CNTN5: variants seen among roughly 807,000 people sequenced by gnomAD.
CNTN5 encodes the protein contactin-5.
CNTN5 carries 77 observed loss-of-function variants against 129.1 expected under a neutral mutation model. That is an observed-to-expected ratio of 0.60 (90% CI 0.50 to 0.72). The LOEUF (loss-of-function observed/expected upper bound fraction) is 0.72, where lower values mean the gene tolerates loss of function less well. Ranked by LOEUF, CNTN5 falls within the 30% of genes least tolerant of loss-of-function variation. The probability of loss-of-function intolerance (pLI) is 0.00; values close to 1 mark genes in which losing one functional copy is unlikely to be tolerated. For synonymous variants in CNTN5, 509 were observed against 465.6 expected (o/e 1.09, Z -1.20); for missense variants, 1,478 against 1,328.8 (o/e 1.11, Z -1.75).
chr11:100,191,592 A>G (rs1948495417), intron 14 of CNTN5, among the ~76,000 whole-genome samples: 1 of 152,088 alleles, frequency 6.6e-6, no homozygotes, highest in Admixed American at 6.6e-5. Flanking sequence ...GAATAATTTT[A>G]GCATCAATCA....
intron 1 of CNTN5, among the ~76,000 whole-genome samples, chr11:99,027,844 T>C (rs1220106388): frequency 6.6e-6 from 1 of 151,702 alleles, no homozygotes; most frequent in Admixed American, 6.6e-5. Flanking sequence ...TTTAAGACTT[T>C]TTCTTTAAAC....
At chr11:99,917,903 A>C (rs1353460916) in intron 7 of CNTN5, among the ~76,000 whole-genome samples, 1 of 152,134 alleles carries the variant, frequency 6.6e-6, no homozygotes, top group African/African-American at 2.4e-5. Flanking sequence ...CAATATATGT[A>C]AATTAAATGA....
chr11:99,147,954 G>T (rs1176805200), intron 1 of CNTN5, among the ~76,000 whole-genome samples: 1 of 151,886 alleles, frequency 6.6e-6, no homozygotes, highest in Admixed American at 6.6e-5. Flanking sequence ...TTTATGGAAT[G>T]ATTTATACAA....
chr11:99,958,781 A>C (rs1230395404), intron 8 of CNTN5, among the ~76,000 whole-genome samples: 1 of 152,206 alleles, frequency 6.6e-6, no homozygotes, highest in Non-Finnish European at 1.5e-5. Flanking sequence ...TTGCATTCTT[A>C]TCTGAAAATT....
intron 1 of CNTN5, among the ~76,000 whole-genome samples, chr11:99,312,348 G>T (rs1199554013): frequency 6.6e-6 from 1 of 152,050 alleles, no homozygotes; most frequent in Non-Finnish European, 1.5e-5. Flanking sequence ...TTTTTGAATA[G>T]AGGCAAATTA....
intron 6 of CNTN5, among the ~76,000 whole-genome samples, chr11:99,901,175 G>A (rs1287993678): frequency 6.6e-6 from 1 of 152,138 alleles, no homozygotes; most frequent in East Asian, 1.9e-4. Flanking sequence ...GTAAATGGTA[G>A]CTATCATCAT....
chr11:100,169,711 G>A (rs918782202), intron 13 of CNTN5, among the ~76,000 whole-genome samples: 1 of 151,966 alleles, frequency 6.6e-6, no homozygotes, highest in Non-Finnish European at 1.5e-5. Context: ...TGATTTTATT[G>A]AGGTGGTTTG....
At chr11:99,615,715 A>G (rs922462815) in intron 3 of CNTN5, among the ~76,000 whole-genome samples, 1 of 151,948 alleles carries the variant, frequency 6.6e-6, no homozygotes, top group Non-Finnish European at 1.5e-5. Context: ...GGAAATTGAC[A>G]TTGATAAAAT....
chr11:100,335,691 C>T (rs1182832925), intron 21 of CNTN5, among the ~76,000 whole-genome samples: 1 of 151,858 alleles, frequency 6.6e-6, no homozygotes, highest in Non-Finnish European at 1.5e-5. Flanking sequence ...TCGCTTGAAC[C>T]CAGGAGCTGG....
intron 13 of CNTN5, among the ~76,000 whole-genome samples, chr11:100,110,031 T>G (rs768439586): frequency 1.3e-5 from 2 of 151,818 alleles, no homozygotes; most frequent in Non-Finnish European, 2.9e-5. Context: ...TACAAAAAAT[T>G]AGCCTGGCAT....
At chr11:99,986,453 T>A (rs1938683593) in intron 8 of CNTN5, among the ~76,000 whole-genome samples, 1 of 152,186 alleles carries the variant, frequency 6.6e-6, no homozygotes, top group African/African-American at 2.4e-5. Context: ...ACACCACTAA[T>A]TACAAATAAT....
At chr11:100,201,367 C>T (rs1486737173) in intron 15 of CNTN5, among the ~76,000 whole-genome samples, 1 of 151,442 alleles carries the variant, frequency 6.6e-6, no homozygotes, top group Admixed American at 6.6e-5. Flanking sequence ...TAATTATATA[C>T]ATGCTATTAA....
intron 1 of CNTN5, among the ~76,000 whole-genome samples, chr11:99,171,250 A>T (rs1861135494): frequency 6.6e-6 from 1 of 152,202 alleles, no homozygotes; most frequent in African/African-American, 2.4e-5. Context: ...AAAAACAAGC[A>T]ACATTATATA....
chr11:99,362,156 A>AT (rs577284677), intron 2 of CNTN5, among the ~76,000 whole-genome samples: 2 of 151,838 alleles, frequency 1.3e-5, no homozygotes, highest in South Asian at 4.1e-4. Flanking sequence ...ATTTTATATT[A>AT]TTTTTTAATA....
rs759844979 is a variant in CNTN5 at position 99,569,564 on chromosome 11, G to A, written c.55+13295G>A. Among the ~76,000 whole-genome samples the A allele has an allele frequency of 3.9e-5, 6 of 151,992 alleles. No individual in the cohort carries two copies. In the East Asian group the frequency reaches 7.7e-4, roughly 20 times the overall value. ...CCTGACCTTGTGGTCCGCCTGCCTC[G>A]GCCTCCCAAACTGCTGGGATTACAG... is the stretch of plus-strand genomic sequence containing the variant. On this transcript the variant is annotated intron_variant, in intron 3 of 24. Coordinates refer to ENST00000524871, the MANE Select transcript of CNTN5 (RefSeq NM_014361.4).
At chr11:100,062,807 A>G (rs539103620) in intron 10 of CNTN5, among the ~76,000 whole-genome samples, 1 of 152,364 alleles carries the variant, frequency 6.6e-6, no homozygotes, top group South Asian at 2.1e-4. Flanking sequence ...TGAAATCCAC[A>G]AAGTTTATAA....
intron 1 of CNTN5, among the ~76,000 whole-genome samples, chr11:99,022,589 G>A (rs1175640384): frequency 3.3e-5 from 5 of 151,978 alleles, no homozygotes; most frequent in South Asian, 2.1e-4. Flanking sequence ...GACTCTAATC[G>A]AAAAGAGGTA....
chr11:100,153,283 G>GAATC (rs1947127663), intron 13 of CNTN5, among the ~76,000 whole-genome samples: 1 of 152,044 alleles, frequency 6.6e-6, no homozygotes, highest in African/African-American at 2.4e-5. Context: ...CATTTCCTGA[G>GAATC]AATCGCAGAA....
intron 4 of CNTN5, among the ~76,000 whole-genome samples, 169 bp downstream of exon 4, chr11:99,819,934 A>C (rs529107976): frequency 6.6e-6 from 1 of 152,338 alleles, no homozygotes; most frequent in African/African-American, 2.4e-5. Flanking sequence ...AGCTAGTAGA[A>C]AACTGGAGGA....
Sources: gnomAD v4.1 joint callset for allele counts (sites outside exome capture counted in the v4.1 genomes callset) on GRCh38, gnomAD v4.1.1 for gene constraint, MANE v1.5 for transcripts, NCBI Gene and HGNC (gene_info 2026-07-23, HGNC 2026-07-21) for gene names.